VDAC1: variants seen among roughly 807,000 people sequenced by gnomAD.
VDAC1 encodes non-selective voltage-gated ion channel VDAC1.
Under a neutral mutation model 34.7 loss-of-function variants are expected in VDAC1, and 10 were observed. The ratio of observed to expected loss-of-function variants is 0.29; its 90% CI spans 0.18 to 0.49. VDAC1 has a LOEUF of 0.49. Among genes scored for constraint, VDAC1 ranks in the 20% least tolerant of loss-of-function variants. The pLI is 0.99. For missense variants in VDAC1, 230 were observed against 347.9 expected (o/e 0.66, Z 2.69); for synonymous variants, 130 against 136.0 (o/e 0.96, Z 0.30).
the VDAC1 span, among the ~76,000 whole-genome samples, chr5:134,026,204 C>G: frequency 1.7e-4 from 26 of 152,122 alleles, no homozygotes; most frequent in Non-Finnish European, 3.7e-4. Context: ...GTTGGCCCAA[C>G]TTTTTTTAAA....
the VDAC1 span, among the ~76,000 whole-genome samples, chr5:134,090,236 C>T: frequency 2.0e-5 from 3 of 152,312 alleles, no homozygotes; most frequent in Non-Finnish European, 2.9e-5. Flanking sequence ...TCTAATTCTT[C>T]GTGGAATATT....
intron 1 of VDAC1, 87 bp from the exon 2 acceptor site, chr5:133,993,105 A>T: frequency 7.4e-7 from 1 of 1,360,340 alleles, no homozygotes. Context: ...TGTAATTAGC[A>T]ACCAATAAAA....
the VDAC1 span, among the ~76,000 whole-genome samples, chr5:134,108,042 A>G: frequency 6.6e-5 from 10 of 152,330 alleles, no homozygotes; most frequent in African/African-American, 1.9e-4. Flanking sequence ...CCAACAGCTC[A>G]GGATATGATG....
intron 1 of VDAC1, among the ~76,000 whole-genome samples, chr5:134,002,441 C>A (rs1170326299): frequency 6.6e-6 from 1 of 152,232 alleles, no homozygotes; most frequent in Non-Finnish European, 1.5e-5. Flanking sequence ...GAAGGGGTAA[C>A]AGGCCCAACA....
chr5:134,029,093 A>T, the VDAC1 span, among the ~76,000 whole-genome samples: 4 of 152,180 alleles, frequency 2.6e-5, no homozygotes, highest in African/African-American at 9.6e-5. Context: ...AAAGTCCCAC[A>T]TCCTAGGGAA....
At chr5:134,086,482 CACTTAGCA>C in the VDAC1 span, among the ~76,000 whole-genome samples, 2 of 152,262 alleles carry the variant, frequency 1.3e-5, no homozygotes, top group East Asian at 3.9e-4. Flanking sequence ...GACTCTGGGC[CACTTAGCA>C]TCAGCTTCGC....
In VDAC1 at chr5:133,980,806, C is replaced by T. The variant is rs1580711649; in HGVS notation, c.474G>A (p.Glu158=). The T allele has an allele frequency of 6.2e-7, 1 of 1,602,506 alleles. No homozygotes were observed. The highest frequency in any genetic ancestry group is 1.1e-5 in the South Asian group (1 of 90,798). ...GWLAGYQMNF[E]TAKSRVTQSN... is the part of the protein sequence containing the mutation. ...TCTGGGTCACTCGGGATTTTGCAGT[C>T]TCAAAATTCATCTGGTAGCCGGCCA... Residue 158 remains glutamate (E), a synonymous_variant, in exon 6 of 9, where the codon GAG becomes GAA. Transcript: ENST00000265333.
At chr5:133,989,383 A>C (rs959540178) in intron 5 of VDAC1, 1 of 149,796 alleles carries the variant, frequency 6.7e-6, no homozygotes, top group East Asian at 2.0e-4. Context: ...TTTTGGAGAC[A>C]GAGTCTCTCT....
chr5:134,020,121 T>C, the VDAC1 span, among the ~76,000 whole-genome samples: 1 of 152,128 alleles, frequency 6.6e-6, no homozygotes, highest in Middle Eastern at 3.4e-3. Context: ...GGATTTTCTC[T>C]GGGAATATCA....
At chr5:134,055,800 G>T in the VDAC1 span, among the ~76,000 whole-genome samples, 1 of 151,336 alleles carries the variant, frequency 6.6e-6, no homozygotes, top group Non-Finnish European at 1.5e-5. Context: ...AGATTAAAAA[G>T]TGAAAGTCTC....
At chr5:134,011,829 G>A in the VDAC1 span, among the ~76,000 whole-genome samples, 27 of 151,766 alleles carry the variant, frequency 1.8e-4, no homozygotes, top group African/African-American at 2.2e-4. Context: ...TAGTAGAGAC[G>A]AGGTTTCACC....
the VDAC1 span, among the ~76,000 whole-genome samples, chr5:134,069,555 A>G: frequency 6.6e-6 from 1 of 152,150 alleles, no homozygotes; most frequent in South Asian, 2.1e-4. Flanking sequence ...CCTGAATGGC[A>G]TCGAAGAAAG....
chr5:134,105,708 A>G, the VDAC1 span, among the ~76,000 whole-genome samples: 2 of 152,248 alleles, frequency 1.3e-5, no homozygotes, highest in Admixed American at 1.3e-4. Context: ...GGGAAGCTGC[A>G]TGGGGACCCG....
upstream of VDAC1, chr5:134,005,158 C>T (rs1167062164): frequency 6.6e-6 from 1 of 152,162 alleles, no homozygotes; most frequent in Non-Finnish European, 1.5e-5. Context: ...GCTCCTGGGC[C>T]TCCTGCTTGG....
At chr5:134,079,743 G>A in the VDAC1 span, among the ~76,000 whole-genome samples, 1 of 152,124 alleles carries the variant, frequency 6.6e-6, no homozygotes, top group Admixed American at 6.5e-5. Context: ...CAGGTGAGTT[G>A]CTGCCCCAGG....
intron 6 of VDAC1, among the ~76,000 whole-genome samples, chr5:133,979,475 G>C (rs1429625742): frequency 8.1e-6 from 1 of 123,012 alleles, no homozygotes; most frequent in African/African-American, 3.0e-5. Flanking sequence ...TGTTGCTCAG[G>C]CTAGAGCGCA....
the VDAC1 span, among the ~76,000 whole-genome samples, chr5:134,094,351 G>A: frequency 6.6e-6 from 1 of 152,166 alleles, no homozygotes; most frequent in African/African-American, 2.4e-5. Flanking sequence ...GCGGAACGAC[G>A]ACAGAGTTTC....
chr5:134,093,516 T>G, the VDAC1 span, among the ~76,000 whole-genome samples: 1 of 152,212 alleles, frequency 6.6e-6, no homozygotes, highest in Non-Finnish European at 1.5e-5. Context: ...CCCCTCATGA[T>G]GCAAAGCAGA....
chr5:133,974,502 G>C (rs556822738), intron 7 of VDAC1, among the ~76,000 whole-genome samples: 1 of 152,298 alleles, frequency 6.6e-6, no homozygotes, highest in East Asian at 1.9e-4. Flanking sequence ...ATTTCAGAGT[G>C]CCCCTTTTAA....
Sources: gnomAD v4.1 joint callset for allele counts (sites outside exome capture counted in the v4.1 genomes callset) on GRCh38, gnomAD v4.1.1 for gene constraint, MANE v1.5 for transcripts, NCBI Gene and HGNC (gene_info 2026-07-23, HGNC 2026-07-21) for gene names.